Variants in SRGN observed in about 807,000 individuals in gnomAD.
The protein encoded by SRGN is hematopoetic proteoglycan core peptide.
SRGN carries 2 observed loss-of-function variants against 9.5 expected under a neutral mutation model. The observed-to-expected ratio is 0.21, with a 90% CI of 0.09 to 0.66. The LOEUF (loss-of-function observed/expected upper bound fraction) is 0.66. SRGN is among the 30% of genes least tolerant of loss of function. The probability of loss-of-function intolerance (pLI) is 0.83; values close to 1 mark genes in which losing one functional copy is unlikely to be tolerated. For missense variants in SRGN, 170 were observed against 192.4 expected (o/e 0.88, Z 0.69); for synonymous variants, 59 against 72.3 (o/e 0.82, Z 0.93).
intron 2 of SRGN, among the ~76,000 whole-genome samples, chr10:69,100,718 G>A (rs1276117540): frequency 6.6e-6 from 1 of 152,120 alleles, no homozygotes; most frequent in Non-Finnish European, 1.5e-5. Flanking sequence ...CTGACCCCTG[G>A]CGTCTGCATT....
intron 1 of SRGN, among the ~76,000 whole-genome samples, chr10:69,094,185 G>T (rs1426181294): frequency 1.3e-5 from 2 of 152,218 alleles, no homozygotes; most frequent in Non-Finnish European, 2.9e-5. Context: ...GGCAGACATT[G>T]AAAGGTCATT....
At chr10:69,099,309 GTT>G (rs59142650) in intron 2 of SRGN, among the ~76,000 whole-genome samples, 3 of 138,874 alleles carry the variant, frequency 2.2e-5, no homozygotes, top group Admixed American at 7.3e-5. Flanking sequence ...TTTCTCTTTT[GTT>G]TTTTTTTTTT....
In SRGN at chr10:69,093,313, A is replaced by C. The variant is rs543830664; in HGVS notation, c.80-3771A>C. On this transcript the variant is annotated intron_variant, in intron 1 of 2. Transcript: ENST00000242465. ...TAACTTTTACATTGATGATATGTTA[A>C]AGGACAATATTTGAATATGTTAGGT... Among the ~76,000 whole-genome samples the C allele has an allele frequency of 7.9e-5, 12 of 152,360 alleles. No individual in the cohort carries two copies. The South Asian group carries it at 2.5e-3, about 32-fold the overall frequency.
chr10:69,103,740 G>T, intron 2 of SRGN, 131 bp from the exon 3 acceptor site: 1 of 1,000,992 alleles, frequency 1.0e-6, no homozygotes, highest in Non-Finnish European at 1.4e-6. Flanking sequence ...TAATTGGGAA[G>T]CTTTTAAATC....
intron 2 of SRGN, among the ~76,000 whole-genome samples, chr10:69,097,570 G>C: frequency 6.6e-6 from 1 of 152,000 alleles, no homozygotes; most frequent in Admixed American, 6.6e-5. Context: ...GGGACTACAG[G>C]CACCCGCCAC....
chr10:69,095,028 C>T (rs982577093), intron 1 of SRGN, among the ~76,000 whole-genome samples: 4 of 151,818 alleles, frequency 2.6e-5, no homozygotes, highest in African/African-American at 4.8e-5. Context: ...GTACTTTCGG[C>T]CGGGTGTGGT....
At chr10:69,098,974 A>T (rs982215901) in intron 2 of SRGN, among the ~76,000 whole-genome samples, 1 of 152,090 alleles carries the variant, frequency 6.6e-6, no homozygotes, top group Non-Finnish European at 1.5e-5. Context: ...GAAAAAAAAA[A>T]TTAGGGAAAG....
chr10:69,103,902 T>C lies in SRGN; in HGVS notation c.259T>C (p.Phe87Leu). Residue 87 changes from phenylalanine (F) to leucine (L), a missense_variant, in exon 3 of 3, where the codon TTC (phenylalanine) becomes CTC (leucine). Transcript: ENST00000242465. Reference protein sequence around the residue: ...KTRIQDLNRIFPLSEDYSGSG... With the variant: ...KTRIQDLNRILPLSEDYSGSG... Reference sequence around the variant, plus strand: ...GAGAATCCAGGACTTGAATCGTATCTTCCCACTTTCTGAGGACTACTCTGG... The same window carrying C: ...GAGAATCCAGGACTTGAATCGTATCCTCCCACTTTCTGAGGACTACTCTGG... 6.2e-7 allele frequency: 1 copy of C among 1,614,212 alleles called. No homozygotes were observed. The highest frequency in any genetic ancestry group is 8.5e-7 in the Non-Finnish European group (1 of 1,180,030).
intron 1 of SRGN, among the ~76,000 whole-genome samples, chr10:69,094,437 A>C (rs926145504): frequency 6.6e-6 from 1 of 152,168 alleles, no homozygotes; most frequent in Non-Finnish European, 1.5e-5. Flanking sequence ...AATTTAGAAA[A>C]CAAAATGAGA....
rs536461393 is a variant in SRGN at position 69,098,154 on chromosome 10, A to G, written c.227+923A>G. On this transcript the variant is annotated intron_variant, in intron 2 of 2. Transcript: ENST00000242465. Reference sequence around the variant, plus strand: ...ATTGAACATTGTTTTATTTGTGTAAACAGAACACACTATATATAAAAATCC... The same window carrying G: ...ATTGAACATTGTTTTATTTGTGTAAGCAGAACACACTATATATAAAAATCC... Among the ~76,000 whole-genome samples the G allele has an allele frequency of 1.3e-4, 20 of 152,344 alleles. 1 individual carries two copies. The East Asian group carries it at 3.9e-3, about 29-fold the overall frequency.
intron 1 of SRGN, among the ~76,000 whole-genome samples, chr10:69,093,479 T>C (rs1840108271): frequency 6.6e-6 from 1 of 152,196 alleles, no homozygotes; most frequent in Non-Finnish European, 1.5e-5. Flanking sequence ...GACACCGCCC[T>C]CTGCTGGAGA....
rs1037487281 is a variant in SRGN, at chr10:69,089,648, C to A, written c.79+1412C>A. Among the ~76,000 whole-genome samples the A allele has an allele frequency of 3.9e-5, 6 of 152,302 alleles. No individual in the cohort carries two copies. In the South Asian group the frequency reaches 6.2e-4, roughly 16 times the overall value. ...TGGTGGCTCACGCCTGTAATCCCAG[C>A]ACTTTGAGAGGCCAAGGTAGGCAGA... is the stretch of plus-strand genomic sequence containing the variant. On this transcript the variant is annotated intron_variant, in intron 1 of 2. Coordinates refer to ENST00000242465, the MANE Select transcript of SRGN (RefSeq NM_002727.4).
rs952255102 is a variant in SRGN, at chr10:69,088,370, C to G, written c.79+134C>G. On this transcript the variant is annotated intron_variant, in intron 1 of 2. Coordinates refer to ENST00000242465, the MANE Select transcript of SRGN (RefSeq NM_002727.4). ...GAGGCAAAGAAGAAGGATTTGGGGT[C>G]GCTGAACCCTTTAATATGAGTTCTG... 6.6e-5 allele frequency: 48 copies of G among 729,286 alleles called. No individual in the cohort carries two copies. The South Asian group carries it at 8.7e-4, about 13-fold the overall frequency. The allele number at this position is 729,286 out of a possible 1,614,324, so 45.2% of individuals were successfully genotyped here.
At chr10:69,089,193 C>A (rs753401254) in intron 1 of SRGN, among the ~76,000 whole-genome samples, 1 of 152,150 alleles carries the variant, frequency 6.6e-6, no homozygotes, top group Non-Finnish European at 1.5e-5. Context: ...TACAGATGAT[C>A]GCAGAGACAT....
intron 2 of SRGN, among the ~76,000 whole-genome samples, chr10:69,102,514 T>G (rs929457332): frequency 6.6e-6 from 1 of 152,256 alleles, no homozygotes; most frequent in Admixed American, 6.5e-5. Flanking sequence ...AATGCGTACA[T>G]GAATTAAAAC....
intron 1 of SRGN, 23 bp downstream of exon 1, chr10:69,088,259 C>A (rs771129419): frequency 4.5e-5 from 72 of 1,593,662 alleles, no homozygotes; most frequent in Non-Finnish European, 6.2e-5. Context: ...AGTCTTGTTC[C>A]CCAGCCATCT....
chr10:69,102,210 C>T (rs1330001243), intron 2 of SRGN, among the ~76,000 whole-genome samples: 1 of 152,050 alleles, frequency 6.6e-6, no homozygotes, highest in African/African-American at 2.4e-5. Flanking sequence ...GGGCCCCCTT[C>T]TCTATCTACA....
At chr10:69,093,378 A>G (rs911958557) in intron 1 of SRGN, among the ~76,000 whole-genome samples, 8 of 152,238 alleles carry the variant, frequency 5.3e-5, no homozygotes, top group Non-Finnish European at 1.0e-4. Context: ...TTACTTTTAA[A>G]AATATGGCCG....
chr10:69,102,078 C>T (rs991705930), intron 2 of SRGN, among the ~76,000 whole-genome samples: 1 of 151,878 alleles, frequency 6.6e-6, no homozygotes, highest in Admixed American at 6.6e-5. Flanking sequence ...CCACTCCTTC[C>T]TTGAAATGCT....
Sources: gnomAD v4.1 joint callset for allele counts (sites outside exome capture counted in the v4.1 genomes callset) on GRCh38, gnomAD v4.1.1 for gene constraint, MANE v1.5 for transcripts, NCBI Gene and HGNC (gene_info 2026-07-23, HGNC 2026-07-21) for gene names.